Variants in BFSP2 observed in about 807,000 individuals in gnomAD.
The protein encoded by BFSP2 is beaded filament structural protein 2.
Under a neutral mutation model 44.9 loss-of-function variants are expected in BFSP2, and 38 were observed. That is an observed-to-expected ratio of 0.85 (90% confidence interval 0.65 to 1.11). The LOEUF is 1.11. BFSP2 is among the 50% of genes least tolerant of loss of function. BFSP2 has a pLI of 0.00. For synonymous variants in BFSP2, 197 were observed against 209.9 expected (o/e 0.94, Z 0.53); for missense variants, 525 against 533.0 (o/e 0.99, Z 0.15).
chr3:133,413,712 G>A (rs2073477875), intron 1 of BFSP2, among the ~76,000 whole-genome samples: 2 of 152,024 alleles, frequency 1.3e-5, no homozygotes, highest in South Asian at 2.1e-4. Flanking sequence ...CAGCAGAAAC[G>A]AGAAGTGATT....
At chr3:133,418,858 C>A (rs1308869982) in intron 1 of BFSP2, among the ~76,000 whole-genome samples, 1 of 152,218 alleles carries the variant, frequency 6.6e-6, no homozygotes, top group East Asian at 1.9e-4. Flanking sequence ...CAAACGTTAA[C>A]AAGAACTTTC....
intron 5 of BFSP2, among the ~76,000 whole-genome samples, chr3:133,470,208 G>A (rs1370821133): frequency 2.6e-5 from 4 of 152,140 alleles, no homozygotes; most frequent in Non-Finnish European, 5.9e-5. Flanking sequence ...TTATAAATAT[G>A]CCTCAGACAG....
chr3:133,421,920 T>A (rs112738038), intron 1 of BFSP2, among the ~76,000 whole-genome samples: 21,908 of 151,774 alleles, frequency 0.14, 1,908 homozygotes, highest in African/African-American at 0.25. Flanking sequence ...CATCCTGGCC[T>A]ACGTGGTGAA....
At chr3:133,432,458 A>G (rs960549035) in intron 1 of BFSP2, among the ~76,000 whole-genome samples, 3 of 152,178 alleles carry the variant, frequency 2.0e-5, no homozygotes, top group Non-Finnish European at 4.4e-5. Context: ...CAGTCCCAGC[A>G]GCTTACCTGG....
In BFSP2 at chr3:133,456,267, T is replaced by G. The variant is rs543110379; in HGVS notation, c.891+5803T>G. Among the ~76,000 whole-genome samples, 5 of 152,350 alleles carry G rather than the reference T, an allele frequency of 3.3e-5. No homozygotes were observed. In the East Asian group the frequency reaches 9.6e-4, roughly 29 times the overall value. On this transcript the variant is annotated intron_variant, in intron 4 of 6. Coordinates refer to ENST00000302334, the MANE Select transcript of BFSP2 (RefSeq NM_003571.4). Reference sequence around the variant, plus strand: ...CATGTCACATGTCAGGATGACAGATTGTGCAAACTATTAAGAATGAAGACA... The same window carrying G: ...CATGTCACATGTCAGGATGACAGATGGTGCAAACTATTAAGAATGAAGACA...
intron 4 of BFSP2, among the ~76,000 whole-genome samples, chr3:133,465,259 G>A (rs569970055): frequency 1.3e-5 from 2 of 151,846 alleles, no homozygotes; most frequent in East Asian, 3.9e-4. Flanking sequence ...CACCCACCTC[G>A]GCCTCCCAAA....
chr3:133,407,371 A>G (rs918755955), intron 1 of BFSP2, among the ~76,000 whole-genome samples: 1 of 152,236 alleles, frequency 6.6e-6, no homozygotes, highest in Non-Finnish European at 1.5e-5. Flanking sequence ...AACACACAAA[A>G]TAGTCTTGAA....
chr3:133,431,947 G>A (rs527653696), intron 1 of BFSP2, among the ~76,000 whole-genome samples: 100 of 151,834 alleles, frequency 6.6e-4, no homozygotes, highest in African/African-American at 2.2e-3. Context: ...TCTCATTGCC[G>A]CCCTTCTCCC....
At chr3:133,457,715 A>C (rs2074024996) in intron 4 of BFSP2, among the ~76,000 whole-genome samples, 1 of 152,216 alleles carries the variant, frequency 6.6e-6, no homozygotes, top group Non-Finnish European at 1.5e-5. Context: ...TGACCATCAC[A>C]TTCATTTACA....
At chr3:133,465,006 T>C (rs2074097286) in intron 4 of BFSP2, among the ~76,000 whole-genome samples, 1 of 150,854 alleles carries the variant, frequency 6.6e-6, no homozygotes, top group South Asian at 2.1e-4. Context: ...GGTTTCTTTT[T>C]TTTTTTTTTT....
intron 1 of BFSP2, among the ~76,000 whole-genome samples, chr3:133,433,758 G>A (rs1032087204): frequency 2.1e-4 from 32 of 152,070 alleles, no homozygotes; most frequent in Non-Finnish European, 2.4e-4. Flanking sequence ...ACAGACTAGC[G>A]GTCTATTAAA....
At chr3:133,457,838 T>A (rs1293988847) in intron 4 of BFSP2, among the ~76,000 whole-genome samples, 1 of 152,236 alleles carries the variant, frequency 6.6e-6, no homozygotes, top group Non-Finnish European at 1.5e-5. Flanking sequence ...CAGAAAAAGT[T>A]GTCAACCTCT....
Position 133,400,557 on chromosome 3 carries a change from C to T in BFSP2, c.474C>T (p.Ala158=). ...GGGGTGCCCTACGGGCTTCCTGGGC[C>T]AGCAGCTGCCAGCAGGTAAGTGTCC... ...GNWGALRASW[A]SSCQQVGEAV... The change falls in exon 1 of 7, where the codon GCC becomes GCT. Residue 158 remains alanine (A), a synonymous_variant. Transcript: ENST00000302334. The surrounding 1 kb of genome is among the most constrained non-coding windows in gnomAD (Gnocchi z 4.0). 2.5e-6 allele frequency: 4 copies of T among 1,602,182 alleles called. No homozygotes were observed. Among genetic ancestry groups the T allele is most frequent in the Non-Finnish European group, 3.4e-6 (4 of 1,174,388 alleles).
At chr3:133,428,309 C>T (rs1350681093) in intron 1 of BFSP2, among the ~76,000 whole-genome samples, 4 of 149,278 alleles carry the variant, frequency 2.7e-5, no homozygotes, top group Non-Finnish European at 5.9e-5. Flanking sequence ...AGGGAGCCAC[C>T]TCAGGGCTGC....
chr3:133,431,100 A>C (rs1456073128), intron 1 of BFSP2, among the ~76,000 whole-genome samples: 16 of 152,136 alleles, frequency 1.1e-4, no homozygotes, highest in African/African-American at 3.6e-4. Context: ...AGCAACCCTG[A>C]GACGCTTTAC....
intron 1 of BFSP2, among the ~76,000 whole-genome samples, chr3:133,424,225 T>A (rs1417614284): frequency 2.0e-5 from 2 of 98,250 alleles, no homozygotes; most frequent in African/African-American, 1.4e-4. Context: ...TTTTTTTTTT[T>A]TTTTTTTTTT....
chr3:133,461,256 A>G (rs994408453), intron 4 of BFSP2, among the ~76,000 whole-genome samples: 3 of 152,224 alleles, frequency 2.0e-5, no homozygotes, highest in Non-Finnish European at 4.4e-5. Context: ...CTTACTTAGA[A>G]CACATTGCTT....
intron 5 of BFSP2, among the ~76,000 whole-genome samples, chr3:133,471,958 C>G (rs945429354): frequency 1.3e-5 from 2 of 151,994 alleles, no homozygotes; most frequent in African/African-American, 2.4e-5. Flanking sequence ...GAAAAAGCCC[C>G]GGAGAACAAG....
At chr3:133,426,477 A>G (rs1373748324) in intron 1 of BFSP2, among the ~76,000 whole-genome samples, 1 of 152,240 alleles carries the variant, frequency 6.6e-6, no homozygotes, top group Non-Finnish European at 1.5e-5. Flanking sequence ...TTCTACAAAT[A>G]GACTTTTAGA....
Sources: gnomAD v4.1 joint callset for allele counts (sites outside exome capture counted in the v4.1 genomes callset) on GRCh38, gnomAD v4.1.1 for gene constraint, Gnocchi (gnomAD v3.1) non-coding constraint, MANE v1.5 for transcripts, NCBI Gene and HGNC (gene_info 2026-07-23, HGNC 2026-07-21) for gene names.